The following MMP26 variants were observed in gnomAD, a reference collection of about 807,000 sequenced individuals.
The protein encoded by MMP26 is matrix metalloproteinase-26.
MMP26 carries 33 observed loss-of-function variants against 31.0 expected under a neutral mutation model. The ratio of observed to expected loss-of-function variants is 1.06; its 90% CI spans 0.81 to 1.42. MMP26 has a LOEUF of 1.42. MMP26 is among the 40% of genes most tolerant of loss of function. MMP26 has a pLI of 0.00. For missense variants in MMP26, 347 were observed against 316.1 expected, an observed-to-expected ratio of 1.10 and a Z score of -0.74; for synonymous variants, 122 against 114.9, an observed-to-expected ratio of 1.06 and a Z score of -0.40.
intron 2 of MMP26, among the ~76,000 whole-genome samples, chr11:4,961,001 G>A (rs1846513677): frequency 6.6e-6 from 1 of 152,122 alleles, no homozygotes; most frequent in Non-Finnish European, 1.5e-5. Context: ...TATGCACTCA[G>A]CTTTATAACT....
chr11:4,734,645 G>T (rs1196428397), intron 1 of MMP26, among the ~76,000 whole-genome samples: 1 of 151,812 alleles, frequency 6.6e-6, no homozygotes, highest in African/African-American at 2.4e-5. Context: ...ATGACCCGTG[G>T]GTTATTTAGG....
intron 2 of MMP26, among the ~76,000 whole-genome samples, chr11:4,925,558 G>A (rs922009657): frequency 6.6e-6 from 1 of 152,070 alleles, no homozygotes; most frequent in Non-Finnish European, 1.5e-5. Flanking sequence ...GAGGGCTTGA[G>A]TTACAGGTAT....
At chr11:4,818,711 A>T (rs1384371520) in intron 2 of MMP26, among the ~76,000 whole-genome samples, 1 of 152,150 alleles carries the variant, frequency 6.6e-6, no homozygotes. Flanking sequence ...AGTTTCTGCT[A>T]TGTGGTATTG....
intron 2 of MMP26, among the ~76,000 whole-genome samples, chr11:4,933,556 G>GTTTGT (rs753911001): frequency 0.14 from 2,714 of 19,160 alleles, 32 homozygotes; most frequent in Admixed American, 0.22. Context: ...TTTGTTTTTT[G>GTTTGT]TTTGTTTTGT....
intron 2 of MMP26, among the ~76,000 whole-genome samples, chr11:4,932,368 T>TTTG (rs1238313205): frequency 6.6e-6 from 1 of 152,150 alleles, no homozygotes; most frequent in African/African-American, 2.4e-5. Context: ...CGACTCTTTA[T>TTTG]TTGTTGCAGC....
intron 2 of MMP26, among the ~76,000 whole-genome samples, chr11:4,825,686 G>A (rs1429630627): frequency 1.3e-5 from 2 of 152,102 alleles, no homozygotes; most frequent in Non-Finnish European, 2.9e-5. Flanking sequence ...TCACAAATGA[G>A]TGTGTTAGTA....
chr11:4,739,717 T>TA (rs900978970), intron 1 of MMP26, among the ~76,000 whole-genome samples: 21 of 152,260 alleles, frequency 1.4e-4, no homozygotes, highest in Non-Finnish European at 1.3e-4. Flanking sequence ...CTTTTTTTTT[T>TA]ATCTCTATCT....
intron 2 of MMP26, among the ~76,000 whole-genome samples, chr11:4,835,158 C>T (rs574718008): frequency 7.3e-5 from 11 of 151,148 alleles, no homozygotes; most frequent in Non-Finnish European, 1.2e-4. Context: ...GTTATGAATT[C>T]TCAATATCTC....
intron 2 of MMP26, among the ~76,000 whole-genome samples, chr11:4,966,245 T>C (rs910148494): frequency 1.3e-5 from 2 of 152,132 alleles, no homozygotes; most frequent in Non-Finnish European, 2.9e-5. Context: ...GAGGACTTTA[T>C]AGCCAAAAAC....
At chr11:4,965,494 TTTTCC>T (rs944264904) in intron 2 of MMP26, among the ~76,000 whole-genome samples, 8 of 152,192 alleles carry the variant, frequency 5.3e-5, no homozygotes, top group African/African-American at 1.9e-4. Flanking sequence ...TAAATTAACT[TTTTCC>T]TTTCCTTACA....
At chr11:4,962,504 G>A (rs1589819897) in intron 2 of MMP26, among the ~76,000 whole-genome samples, 1 of 152,240 alleles carries the variant, frequency 6.6e-6, no homozygotes, top group African/African-American at 2.4e-5. Flanking sequence ...AGTGGTCACT[G>A]TTGCTTTCTC....
chr11:4,898,898 A>G (rs1850755452), intron 2 of MMP26, among the ~76,000 whole-genome samples: 1 of 149,496 alleles, frequency 6.7e-6, no homozygotes, highest in Non-Finnish European at 1.5e-5. Flanking sequence ...AAACAACTGT[A>G]AGAATGTGAA....
intron 2 of MMP26, among the ~76,000 whole-genome samples, chr11:4,958,323 T>A (rs983613701): frequency 6.6e-6 from 1 of 152,208 alleles, no homozygotes; most frequent in African/African-American, 2.4e-5. Context: ...AGCTCACCCT[T>A]TTTCTATCGT....
At chr11:4,732,905 C>A (rs1848193499) in intron 1 of MMP26, among the ~76,000 whole-genome samples, 1 of 152,190 alleles carries the variant, frequency 6.6e-6, no homozygotes, top group East Asian at 1.9e-4. Flanking sequence ...TTGTTGAAAA[C>A]ACCATTCTTT....
In MMP26 at chr11:4,733,009, A is replaced by G. The variant is rs938187394; in HGVS notation, c.-217+27964A>G. Among the ~76,000 whole-genome samples, 3 of 152,344 alleles carry G rather than the reference A, an allele frequency of 2.0e-5. No individual in the cohort carries two copies. The East Asian group carries it at 5.8e-4, about 29-fold the overall frequency. On this transcript the variant is annotated intron_variant, in intron 1 of 7. Coordinates refer to ENST00000380390, the MANE Select transcript of MMP26 (RefSeq NM_021801.5). ...ACTCTCAATTCCAGTTCACTGAGGG[A>G]TATGTCTATCCTATGCCAGTACTAT...
At chr11:4,876,529 A>G (rs1049042402) in intron 2 of MMP26, 2 of 152,014 alleles carry the variant, frequency 1.3e-5, no homozygotes, top group African/African-American at 4.8e-5. Flanking sequence ...GCTCTTCTCT[A>G]TTTTCCTACT....
rs1846329511 is a variant in MMP26, at chr11:4,947,414, G to A, written c.-144-40654G>A. 3 of 218,338 alleles carry A rather than the reference G, an allele frequency of 1.4e-5. No individual in the cohort carries two copies. In the South Asian group the frequency reaches 2.5e-4, roughly 18 times the overall value. 13.5% of individuals were successfully genotyped at this position (218,338 alleles called of 1,614,324 possible). On this transcript the variant is annotated intron_variant, in intron 2 of 7. Transcript: ENST00000380390. ...TTTTTCCTGTAAAATATTAGTAAAC[G>A]CTGGTCAATTAACTGGAATCTTCTA...
chr11:4,989,921 G>A, intron 4 of MMP26, 53 bp downstream of exon 4: 1 of 1,453,566 alleles, frequency 6.9e-7, no homozygotes, highest in Non-Finnish European at 9.5e-7. Flanking sequence ...ACCTCAAAGG[G>A]CTTTCTACCA....
chr11:4,940,322 C>T (rs1262961003), intron 2 of MMP26, among the ~76,000 whole-genome samples: 2 of 152,108 alleles, frequency 1.3e-5, no homozygotes, highest in African/African-American at 4.8e-5. Flanking sequence ...ACATACTGCC[C>T]ACCAAAGTGT....
Sources: gnomAD v4.1 joint callset for allele counts (sites outside exome capture counted in the v4.1 genomes callset) on GRCh38, gnomAD v4.1.1 for gene constraint, MANE v1.5 for transcripts, NCBI Gene and HGNC (gene_info 2026-07-23, HGNC 2026-07-21) for gene names.